The following PDLIM1 variants were observed in gnomAD, a reference collection of about 807,000 sequenced individuals.
The protein encoded by PDLIM1 is PDZ and LIM domain 1, also known as PDZ and LIM domain protein 1.
A neutral mutation model predicts 35.2 loss-of-function variants in PDLIM1; 25 were observed. The observed-to-expected ratio is 0.71, with a 90% CI of 0.52 to 0.99. The LOEUF is 0.99. Among genes scored for constraint, PDLIM1 ranks in the 50% least tolerant of loss-of-function variants. The pLI is 0.00. For missense variants in PDLIM1, 363 were observed against 415.3 expected, an observed-to-expected ratio of 0.87 and a Z score of 1.09; for synonymous variants, 152 against 154.0, an observed-to-expected ratio of 0.99 and a Z score of 0.10.
chr10:95,280,469 G>A (rs1253387850), intron 1 of PDLIM1, among the ~76,000 whole-genome samples: 1 of 152,142 alleles, frequency 6.6e-6, no homozygotes, highest in Non-Finnish European at 1.5e-5. Context: ...TAAAAGTTAT[G>A]GAAAGCATGA....
chr10:95,247,944 C>T (rs952216531), intron 4 of PDLIM1, among the ~76,000 whole-genome samples: 2 of 152,206 alleles, frequency 1.3e-5, no homozygotes, highest in African/African-American at 2.4e-5. Context: ...GGATGGGACA[C>T]GCAAGTGCTT....
chr10:95,271,126 C>T (rs1482177987), intron 2 of PDLIM1, among the ~76,000 whole-genome samples: 1 of 151,784 alleles, frequency 6.6e-6, no homozygotes, highest in Non-Finnish European at 1.5e-5. Context: ...AAGAAGCCCA[C>T]ATCATAAGCA....
chr10:95,260,120 G>A lies in PDLIM1; in HGVS notation c.533+3744C>T, dbSNP rs1462800619. The stretch of plus-strand genomic sequence containing the variant: ...AGCATTTAGTGAGCACCTACCAGGG[G>A]CCAGGCACTGTGCTGAGTGCTCTGT... On this transcript the variant is annotated intron_variant, in intron 4 of 6. Coordinates refer to ENST00000329399, the MANE Select transcript of PDLIM1 (RefSeq NM_020992.4). Among the ~76,000 whole-genome samples the A allele has an allele frequency of 2.6e-5, 4 of 152,216 alleles. No individual in the cohort carries two copies. The East Asian group carries it at 7.7e-4, about 29-fold the overall frequency.
chr10:95,237,880 G>T lies in PDLIM1; in HGVS notation c.*45C>A, dbSNP rs540600162. 70 of 1,547,152 alleles carry T rather than the reference G, an allele frequency of 4.5e-5. No homozygotes were observed. In the East Asian group the frequency reaches 1.5e-3, roughly 33 times the overall value. ...GAGGGCCAGAACACTGAGAGAAAAA[G>T]CTGCAGCAGAGGCCTGCTGGAGAAC... is the stretch of plus-strand genomic sequence containing the variant. On this transcript the variant is annotated 3_prime_UTR_variant, in exon 7 of 7. Coordinates refer to ENST00000329399, the MANE Select transcript of PDLIM1 (RefSeq NM_020992.4).
intron 6 of PDLIM1, 103 bp from the exon 7 acceptor site, chr10:95,238,214 TC>T: frequency 9.7e-7 from 1 of 1,032,694 alleles, no homozygotes; most frequent in Non-Finnish European, 1.4e-6. Flanking sequence ...CTGGGGCTTC[TC>T]CCCAGGAACC....
chr10:95,238,991 A>C, intron 5 of PDLIM1: 3 of 245,866 alleles, frequency 1.2e-5, no homozygotes, highest in Non-Finnish European at 2.4e-5. Context: ...CAGTAATCAA[A>C]ACGACATGGT....
At chr10:95,274,351 T>C (rs1032538352) in intron 1 of PDLIM1, among the ~76,000 whole-genome samples, 2 of 148,044 alleles carry the variant, frequency 1.4e-5, no homozygotes, top group African/African-American at 5.0e-5. Context: ...TGGTGTACAG[T>C]GGCGCAGTCT....
At chr10:95,244,086 T>G (rs1227476153) in intron 5 of PDLIM1, among the ~76,000 whole-genome samples, 2 of 152,232 alleles carry the variant, frequency 1.3e-5, no homozygotes, top group East Asian at 1.9e-4. Context: ...CACTTAAAAT[T>G]TGTTAAGATG....
chr10:95,278,796 A>C (rs1012554093), intron 1 of PDLIM1, among the ~76,000 whole-genome samples: 1 of 152,200 alleles, frequency 6.6e-6, no homozygotes, highest in African/African-American at 2.4e-5. Context: ...TGCTGAGATT[A>C]AGGTGACTGC....
chr10:95,248,567 T>C (rs1046315995), intron 4 of PDLIM1, among the ~76,000 whole-genome samples: 3 of 152,360 alleles, frequency 2.0e-5, no homozygotes, highest in Middle Eastern at 3.4e-3. Context: ...ATTTTAAACA[T>C]GAATCAGACT....
chr10:95,247,677 A>G, intron 4 of PDLIM1: 1 of 217,228 alleles, frequency 4.6e-6, no homozygotes, highest in Non-Finnish European at 9.0e-6. Flanking sequence ...CAGCAGCATT[A>G]TGTCCAGAGA....
chr10:95,239,324 G>T (rs1217110677), intron 5 of PDLIM1, among the ~76,000 whole-genome samples: 1 of 152,138 alleles, frequency 6.6e-6, no homozygotes, highest in East Asian at 1.9e-4. Flanking sequence ...AAAAGCAATT[G>T]TAACAAAAGC....
intron 3 of PDLIM1, among the ~76,000 whole-genome samples, chr10:95,264,556 A>T (rs2035396382): frequency 6.6e-6 from 1 of 152,204 alleles, no homozygotes; most frequent in Non-Finnish European, 1.5e-5. Flanking sequence ...GTGTGGTGTC[A>T]CAGGGGAAGC....
At chr10:95,256,316 T>C (rs1424441171) in intron 4 of PDLIM1, among the ~76,000 whole-genome samples, 1 of 152,112 alleles carries the variant, frequency 6.6e-6, no homozygotes, top group Non-Finnish European at 1.5e-5. Context: ...AAAACCCTAA[T>C]GGCATTTTTT....
intron 4 of PDLIM1, among the ~76,000 whole-genome samples, chr10:95,255,936 C>CACACACACA (rs1395550356): frequency 1.3e-5 from 2 of 151,076 alleles, no homozygotes; most frequent in African/African-American, 4.9e-5. Context: ...CACACACACA[C>CACACACACA]AATTGGAACT....
At position 95,271,718 on chromosome 10, in the gene PDLIM1, C is replaced by G; in HGVS notation, c.163G>C (p.Gly55Arg). The change falls in exon 2 of 7, where the codon GGG becomes CGG. Residue 55 changes from glycine (G) to arginine (R), a missense_variant. By Grantham distance (125) the Gly-to-Arg change is moderately radical (BLOSUM62 -2). Transcript: ENST00000329399. ...TGTGTCATATTGCTAGTATTTTCCC[C>G]ATCAATGGCTGTGATTACATCTCCA... Reference protein sequence around the residue: ...CIGDVITAIDGENTSNMTHLE... With the variant: ...CIGDVITAIDRENTSNMTHLE... 6.2e-7 allele frequency: 1 copy of G among 1,612,620 alleles called. No homozygotes were observed. Among genetic ancestry groups the G allele is most frequent in the Non-Finnish European group, 8.5e-7 (1 of 1,179,372 alleles).
rs762045152 is a variant in PDLIM1, at chr10:95,237,956, C to G, written c.959G>C (p.Gly320Ala). 2 of 1,614,068 alleles carry G rather than the reference C, an allele frequency of 1.2e-6. No homozygotes were observed. Among genetic ancestry groups the G allele is most frequent in the Admixed American group, 3.3e-5 (2 of 60,018 alleles). The change falls in exon 7 of 7, where the codon GGT (glycine) becomes GCT (alanine). Residue 320 changes from glycine (G) to alanine (A), a missense_variant. Physicochemically the swap from Gly to Ala is moderately conservative, Grantham distance 60. Transcript: ENST00000329399. ...HARERVTPPE[G>A]YEVVTVFPK Reference sequence around the variant, plus strand: ...GGGGAACACAGTGACCACTTCATAACCCTCAGGTGGTGTGACTCGCTCCCG... The same window carrying G: ...GGGGAACACAGTGACCACTTCATAAGCCTCAGGTGGTGTGACTCGCTCCCG...
chr10:95,273,909 T>C (rs2035488738), intron 1 of PDLIM1, among the ~76,000 whole-genome samples: 1 of 152,242 alleles, frequency 6.6e-6, no homozygotes, highest in Admixed American at 6.5e-5. Context: ...GGCTCAGTTT[T>C]TAAACGGCTC....
chr10:95,271,571 T>A, intron 2 of PDLIM1, 62 bp downstream of exon 2: 1 of 1,437,356 alleles, frequency 7.0e-7, no homozygotes, highest in African/African-American at 1.4e-5. Context: ...GGGAAGGCAG[T>A]CCCTGCCCAC....
Sources: allele counts gnomAD v4.1 joint callset (sites outside exome capture counted in the v4.1 genomes callset), GRCh38; gene constraint gnomAD v4.1.1; transcripts MANE v1.5; gene names NCBI Gene and HGNC (gene_info 2026-07-23, HGNC 2026-07-21).